The following PAX7 variants were observed in gnomAD, a reference collection of about 807,000 sequenced individuals.
PAX7 encodes the protein paired box 7, also known as paired box protein Pax-7.
PAX7 carries 18 observed loss-of-function variants against 50.7 expected under a neutral mutation model. The ratio of observed to expected loss-of-function variants is 0.36; its 90% CI spans 0.25 to 0.53. The LOEUF (loss-of-function observed/expected upper bound fraction) is 0.53, where lower values mean the gene tolerates loss of function less well. PAX7 is among the 20% of genes least tolerant of loss of function. The pLI, the probability that PAX7 is intolerant of heterozygous loss-of-function variation, is 0.93. For missense variants in PAX7, 644 were observed against 702.9 expected, an observed-to-expected ratio of 0.92 and a Z score of 0.95; for synonymous variants, 310 against 290.4, an observed-to-expected ratio of 1.07 and a Z score of -0.69.
At chr1:18,635,934 G>C (rs943003584) in intron 3 of PAX7, among the ~76,000 whole-genome samples, 1 of 152,124 alleles carries the variant, frequency 6.6e-6, no homozygotes, top group African/African-American at 2.4e-5. Context: ...GGGACCTCTC[G>C]GGGGTGTGGG....
intron 5 of PAX7, among the ~76,000 whole-genome samples, chr1:18,695,973 C>A (rs1313215765): frequency 1.3e-5 from 2 of 152,062 alleles, no homozygotes; most frequent in Non-Finnish European, 2.9e-5. Flanking sequence ...GAACGGAAAT[C>A]CCATTGTGGA....
At chr1:18,646,421 T>C (rs987485998) in intron 4 of PAX7, among the ~76,000 whole-genome samples, 4 of 152,150 alleles carry the variant, frequency 2.6e-5, no homozygotes, top group Non-Finnish European at 5.9e-5. Flanking sequence ...CTTTTCCGTC[T>C]CGGCGGTACC....
chr1:18,733,160 CT>C (rs3216185), intron 7 of PAX7, among the ~76,000 whole-genome samples: 104,068 of 151,658 alleles, frequency 0.69, 37,359 homozygotes, highest in Middle Eastern at 0.85. Context: ...CCCCAAGCCC[CT>C]TAGCACATTC....
chr1:18,677,502 T>C (rs1001227814), intron 4 of PAX7, among the ~76,000 whole-genome samples: 2 of 152,210 alleles, frequency 1.3e-5, no homozygotes, highest in African/African-American at 4.8e-5. Flanking sequence ...GGGTGCTTGG[T>C]GAACACCTGT....
chr1:18,705,707 C>A (rs1243864697), intron 7 of PAX7, among the ~76,000 whole-genome samples: 1 of 152,320 alleles, frequency 6.6e-6, no homozygotes, highest in East Asian at 1.9e-4. Context: ...GAAGTATCTC[C>A]CCCATGGCAA....
At chr1:18,688,861 C>T (rs2089015418) in intron 4 of PAX7, among the ~76,000 whole-genome samples, 1 of 152,164 alleles carries the variant, frequency 6.6e-6, no homozygotes. Flanking sequence ...CTGCAGTGAG[C>T]AGAGATGGCG....
chr1:18,717,941 T>G (rs988692602), intron 7 of PAX7, among the ~76,000 whole-genome samples: 1 of 152,152 alleles, frequency 6.6e-6, no homozygotes, highest in African/African-American at 2.4e-5. Flanking sequence ...AATACCGTCT[T>G]GACGGCCAGC....
intron 7 of PAX7, among the ~76,000 whole-genome samples, chr1:18,733,675 C>T (rs753279361): frequency 4.6e-5 from 7 of 152,318 alleles, no homozygotes; most frequent in Middle Eastern, 6.8e-3. Context: ...AGGACCTAAG[C>T]TTCCCCCAGA....
Position 18,748,710 on chromosome 1 carries a change from G to C in PAX7, c.*3781G>C, listed in dbSNP as rs186936014. The C allele has an allele frequency of 2.9e-3, 682 of 231,810 alleles. 26 individuals carry two copies. The Admixed American group carries it at 0.035, about 12-fold the overall frequency. The allele number at this position is 231,810 out of a possible 1,614,324, so 14.4% of individuals were successfully genotyped here. A position where few individuals can be genotyped will look rare whatever the true frequency, so the allele number is the denominator to read the frequency against. On this transcript the variant is annotated 3_prime_UTR_variant, in exon 9 of 9. Transcript: ENST00000420770. Reference sequence around the variant, plus strand: ...TGTGTGCGTGGGCGTGTGGGCGTGAGGTGTGTGTTTAAATATAATCACACC... The same window carrying C: ...TGTGTGCGTGGGCGTGTGGGCGTGACGTGTGTGTTTAAATATAATCACACC...
intron 4 of PAX7, among the ~76,000 whole-genome samples, chr1:18,670,082 C>CAAAAAAA (rs10626256): frequency 1.2e-5 from 1 of 81,346 alleles, no homozygotes. Flanking sequence ...GACTCCATCT[C>CAAAAAAA]AAAAAAAAAA....
At chr1:18,744,668 G>GGATGGATT (rs1407010340) in intron 8 of PAX7, 146 bp from the exon 9 acceptor site, 1 of 588,722 alleles carries the variant, frequency 1.7e-6, no homozygotes, top group Non-Finnish European at 3.0e-6. Context: ...ACGGATGGAT[G>GGATGGATT]GATGGATGGA....
intron 4 of PAX7, among the ~76,000 whole-genome samples, chr1:18,642,857 G>A (rs543117105): frequency 5.9e-5 from 9 of 152,172 alleles, no homozygotes; most frequent in Admixed American, 1.3e-4. Flanking sequence ...AGTGGGGTGG[G>A]GGAGAGGTGA....
At chr1:18,719,501 C>T (rs908396899) in intron 7 of PAX7, among the ~76,000 whole-genome samples, 4 of 152,192 alleles carry the variant, frequency 2.6e-5, no homozygotes, top group African/African-American at 9.7e-5. Context: ...TGAATGTGAC[C>T]CTCTCACCAG....
At chr1:18,727,556 T>A (rs1311289770) in intron 7 of PAX7, among the ~76,000 whole-genome samples, 2 of 152,000 alleles carry the variant, frequency 1.3e-5, no homozygotes, top group Non-Finnish European at 2.9e-5. Flanking sequence ...ATCCCCCAGG[T>A]GATTCTGGGT....
chr1:18,651,410 T>C (rs1487205416), intron 4 of PAX7, among the ~76,000 whole-genome samples: 8 of 152,196 alleles, frequency 5.3e-5, no homozygotes, highest in Non-Finnish European at 1.2e-4. Context: ...TAAAAAAGTA[T>C]ATAAAATAAA....
intron 7 of PAX7, among the ~76,000 whole-genome samples, chr1:18,707,423 T>C (rs1407983238): frequency 2.7e-4 from 38 of 143,012 alleles, no homozygotes; most frequent in African/African-American, 2.8e-4. Flanking sequence ...TTCTTTTTTT[T>C]TTTTTTTTTT....
intron 4 of PAX7, among the ~76,000 whole-genome samples, chr1:18,689,554 G>A (rs951460778): frequency 1.2e-4 from 18 of 152,224 alleles, no homozygotes; most frequent in African/African-American, 1.7e-4. Context: ...GTGGCATGGC[G>A]TCACCATCAG....
At chr1:18,712,343 A>C (rs939203683) in intron 7 of PAX7, among the ~76,000 whole-genome samples, 9 of 152,010 alleles carry the variant, frequency 5.9e-5, no homozygotes, top group African/African-American at 2.2e-4. Context: ...AAACAAAACC[A>C]CCTGCTCAAG....
At chr1:18,724,128 G>A (rs887126793) in intron 7 of PAX7, among the ~76,000 whole-genome samples, 1 of 152,220 alleles carries the variant, frequency 6.6e-6, no homozygotes, top group African/African-American at 2.4e-5. Flanking sequence ...AGTGGCGTCA[G>A]CGGGCTCACC....
Sources: allele counts gnomAD v4.1 joint callset (sites outside exome capture counted in the v4.1 genomes callset), GRCh38; gene constraint gnomAD v4.1.1; transcripts MANE v1.5; gene names NCBI Gene and HGNC (gene_info 2026-07-23, HGNC 2026-07-21).